The following FSTL5 variants were observed in gnomAD, a reference collection of about 807,000 sequenced individuals.
FSTL5 encodes follistatin like 5.
FSTL5 carries 62 observed loss-of-function variants against 89.1 expected under a neutral mutation model. The observed-to-expected ratio is 0.70, with a 90% CI of 0.57 to 0.86. The LOEUF (loss-of-function observed/expected upper bound fraction) is 0.86, where lower values mean the gene tolerates loss of function less well. FSTL5 is among the 40% of genes least tolerant of loss of function. FSTL5 has a pLI of 0.00. For synonymous variants in FSTL5, 383 were observed against 346.2 expected, an observed-to-expected ratio of 1.11 and a Z score of -1.18; for missense variants, 1,057 against 1,001.6, an observed-to-expected ratio of 1.06 and a Z score of -0.75.
intron 6 of FSTL5, among the ~76,000 whole-genome samples, chr4:161,741,681 AT>A (rs367947098): frequency 0.011 from 1,147 of 104,652 alleles, 23 homozygotes; most frequent in East Asian, 0.091. Flanking sequence ...GAGAAGTATG[AT>A]TTTTTTTTTT....
intron 7 of FSTL5, among the ~76,000 whole-genome samples, chr4:161,652,920 T>A (rs1012245757): frequency 1.3e-5 from 2 of 152,092 alleles, no homozygotes; most frequent in East Asian, 3.9e-4. Flanking sequence ...TTCACTTTTG[T>A]AAAAATAGAT....
chr4:161,800,935 C>T (rs1011346192), intron 4 of FSTL5, among the ~76,000 whole-genome samples: 1 of 151,412 alleles, frequency 6.6e-6, no homozygotes, highest in South Asian at 2.1e-4. Flanking sequence ...ACAAGTTTAT[C>T]GTAGTCTATG....
intron 4 of FSTL5, among the ~76,000 whole-genome samples, chr4:161,823,627 G>T (rs995085861): frequency 1.3e-5 from 2 of 152,172 alleles, no homozygotes; most frequent in African/African-American, 2.4e-5. Flanking sequence ...ATCCATGGCT[G>T]TGTGGCTGCA....
chr4:161,422,946 GT>G (rs531089619), intron 15 of FSTL5, among the ~76,000 whole-genome samples: 142 of 152,298 alleles, frequency 9.3e-4, no homozygotes, highest in Admixed American at 2.2e-3. Context: ...TGTTAAAGCT[GT>G]TTATGGAGAC....
At chr4:162,130,855 T>C (rs1169783981) in intron 1 of FSTL5, among the ~76,000 whole-genome samples, 1 of 152,150 alleles carries the variant, frequency 6.6e-6, no homozygotes, top group Non-Finnish European at 1.5e-5. Flanking sequence ...ACAATTCACA[T>C]GGCTATATAG....
chr4:161,567,783 C>A (rs1014478564), intron 8 of FSTL5, among the ~76,000 whole-genome samples: 4 of 95,506 alleles, frequency 4.2e-5, no homozygotes, highest in African/African-American at 1.3e-4. Flanking sequence ...CTGAGATTTG[C>A]TCCTATAAAC....
At chr4:162,142,090 G>A (rs534684933) in intron 1 of FSTL5, among the ~76,000 whole-genome samples, 4 of 151,938 alleles carry the variant, frequency 2.6e-5, no homozygotes, top group Non-Finnish European at 5.9e-5. Flanking sequence ...CAATGTGTAG[G>A]GCAACCCCCA....
intron 6 of FSTL5, among the ~76,000 whole-genome samples, chr4:161,711,076 T>C (rs2083291641): frequency 1.3e-5 from 2 of 152,146 alleles, no homozygotes; most frequent in African/African-American, 2.4e-5. Flanking sequence ...TAAATGCTTA[T>C]GAAATACATA....
intron 6 of FSTL5, among the ~76,000 whole-genome samples, chr4:161,713,581 G>A (rs1738872562): frequency 6.6e-6 from 1 of 151,950 alleles, no homozygotes; most frequent in African/African-American, 2.4e-5. Context: ...ATGCCCTACA[G>A]AAGGAATGAA....
intron 15 of FSTL5, among the ~76,000 whole-genome samples, chr4:161,394,458 G>A (rs1185731057): frequency 1.3e-5 from 2 of 151,974 alleles, no homozygotes; most frequent in South Asian, 4.2e-4. Context: ...TGCATTTTTA[G>A]TAGAGACAGG....
intron 8 of FSTL5, among the ~76,000 whole-genome samples, chr4:161,561,394 G>A (rs2126571164): frequency 6.6e-6 from 1 of 152,114 alleles, no homozygotes; most frequent in East Asian, 1.9e-4. Context: ...GAAAGTGAGA[G>A]AATAGGTAAA....
At chr4:161,570,768 C>G (rs957849901) in intron 8 of FSTL5, among the ~76,000 whole-genome samples, 1 of 152,160 alleles carries the variant, frequency 6.6e-6, no homozygotes, top group African/African-American at 2.4e-5. Flanking sequence ...TGCAGGTGAG[C>G]CTGCAGCTAT....
intron 7 of FSTL5, among the ~76,000 whole-genome samples, chr4:161,630,735 G>A (rs926494662): frequency 1.3e-5 from 2 of 152,196 alleles, no homozygotes; most frequent in Admixed American, 6.5e-5. Context: ...ACTATATTAC[G>A]ATTCCAACAG....
At chr4:161,958,213 A>G (rs1022578359) in intron 3 of FSTL5, among the ~76,000 whole-genome samples, 4 of 152,014 alleles carry the variant, frequency 2.6e-5, no homozygotes, top group Non-Finnish European at 1.5e-5. Flanking sequence ...TTTCTAATTA[A>G]TATATTAAAT....
At chr4:161,567,615 C>G (rs1394133078) in intron 8 of FSTL5, among the ~76,000 whole-genome samples, 1 of 151,758 alleles carries the variant, frequency 6.6e-6, no homozygotes, top group Non-Finnish European at 1.5e-5. Flanking sequence ...GTAGATATAA[C>G]CAGATTATAA....
At chr4:161,779,498 A>G (rs952121678) in intron 4 of FSTL5, among the ~76,000 whole-genome samples, 1 of 151,624 alleles carries the variant, frequency 6.6e-6, no homozygotes, top group Non-Finnish European at 1.5e-5. Context: ...AATCTTCCCA[A>G]CAACCCAAAA....
At chr4:161,974,672 C>A (rs1383384530) in intron 3 of FSTL5, among the ~76,000 whole-genome samples, 22 of 121,146 alleles carry the variant, frequency 1.8e-4, no homozygotes, top group Non-Finnish European at 1.2e-4. Context: ...TAGGCATTAC[C>A]ATTCAGGACA....
chr4:162,042,893 C>T (rs1380397976), intron 2 of FSTL5, among the ~76,000 whole-genome samples: 1 of 132,234 alleles, frequency 7.6e-6, no homozygotes, highest in African/African-American at 2.9e-5. Flanking sequence ...GGGAATTGAA[C>T]AATGAGATCA....
chr4:161,594,412 C>T (rs1733935209), intron 7 of FSTL5, among the ~76,000 whole-genome samples: 1 of 152,032 alleles, frequency 6.6e-6, no homozygotes, highest in Admixed American at 6.6e-5. Context: ...TTCTATGTAG[C>T]TACCTAGAGA....
Sources: gnomAD v4.1 joint callset for allele counts (sites outside exome capture counted in the v4.1 genomes callset) on GRCh38, gnomAD v4.1.1 for gene constraint, MANE v1.5 for transcripts, NCBI Gene and HGNC (gene_info 2026-07-23, HGNC 2026-07-21) for gene names.